The following MYOM3 variants were observed in gnomAD, a reference collection of about 807,000 sequenced individuals.
MYOM3 encodes the protein myomesin-3.
In MYOM3, 155 loss-of-function variants were observed where a neutral mutation model predicts 191.7. The ratio of observed to expected loss-of-function variants is 0.81; its 90% CI spans 0.71 to 0.92. MYOM3 has a LOEUF of 0.92. Ranked by LOEUF, MYOM3 falls within the 40% of genes least tolerant of loss-of-function variation. The pLI, the probability that MYOM3 is intolerant of heterozygous loss-of-function variation, is 0.00. For missense variants in MYOM3, 1,889 were observed against 1,890.6 expected, an observed-to-expected ratio of 1.00 and a Z score of 0.02; for synonymous variants, 757 against 762.9, an observed-to-expected ratio of 0.99 and a Z score of 0.13.
rs777078325 is a variant in MYOM3, at chr1:24,068,389, GT to G, written c.3151-23del. ...GGTTCTGAAAAGGACAAACTCCAGA[GT>G]CCTTTTCCCTGTTCTGGGAACTTTG... On this transcript the variant is annotated intron_variant, in intron 25 of 36. Coordinates refer to ENST00000374434, the MANE Select transcript of MYOM3 (RefSeq NM_152372.4). The G allele has an allele frequency of 2.5e-6, 4 of 1,613,900 alleles. No individual in the cohort carries two copies. In the Admixed American group the frequency reaches 6.7e-5, roughly 27 times the overall value.
chr1:24,107,864 C>T, intron 3 of MYOM3, 129 bp downstream of exon 3: 1 of 776,816 alleles, frequency 1.3e-6, no homozygotes, highest in Non-Finnish European at 2.1e-6. Context: ...CCTGTCTAGA[C>T]CCTTATTCTA....
intron 25 of MYOM3, among the ~76,000 whole-genome samples, chr1:24,068,633 A>C (rs935942673): frequency 6.6e-6 from 1 of 152,084 alleles, no homozygotes; most frequent in Non-Finnish European, 1.5e-5. Flanking sequence ...ATCAGTTACA[A>C]TTTAATAATA....
chr1:24,081,631 T>A, intron 18 of MYOM3, 175 bp from the exon 19 acceptor site: 1 of 719,360 alleles, frequency 1.4e-6, no homozygotes. Flanking sequence ...GGCATGAACA[T>A]GGCTCACTGC....
chr1:24,102,293 C>T (rs1002918314), intron 5 of MYOM3, among the ~76,000 whole-genome samples: 4 of 152,166 alleles, frequency 2.6e-5, no homozygotes, highest in African/African-American at 9.6e-5. Flanking sequence ...AATCTGGGTG[C>T]CCAATCTCTC....
chr1:24,062,079 T>C lies in MYOM3; in HGVS notation c.3801A>G (p.Ile1267Met). Residue 1267 changes from isoleucine (I) to methionine (M), a missense_variant, in exon 33 of 37, where the codon ATA (isoleucine) becomes ATG (methionine). Physicochemically the swap from Ile to Met is conservative, Grantham distance 10 (BLOSUM62 1). Coordinates refer to ENST00000374434, the MANE Select transcript of MYOM3 (RefSeq NM_152372.4). ...TCTCATCCAGGGTGGTGCCCGTCCT[T>C]ATCCGATCACCACTCTCCAGACGTT... ...KDKRLESGDR[I>M]RTGTTLDEIW... The C allele has an allele frequency of 6.2e-7, 1 of 1,614,170 alleles. No individual in the cohort carries two copies. The highest frequency in any genetic ancestry group is 2.2e-5 in the East Asian group (1 of 44,878).
At chr1:24,107,302 T>G in intron 3 of MYOM3, 70 bp from the exon 4 acceptor site, 2 of 1,366,756 alleles carry the variant, frequency 1.5e-6, no homozygotes, top group South Asian at 1.4e-5. Context: ...GCCAGTTCCA[T>G]TCCCTGTGCC....
chr1:24,099,357 A>T (rs1270434424), intron 6 of MYOM3, among the ~76,000 whole-genome samples: 1 of 152,244 alleles, frequency 6.6e-6, no homozygotes, highest in Non-Finnish European at 1.5e-5. Context: ...CCTTCCCAGC[A>T]TGCCTAGTTC....
Position 24,076,243 on chromosome 1 carries a change from C to T in MYOM3, c.2617G>A (p.Val873Met), listed in dbSNP as rs199972567. The stretch of plus-strand genomic sequence containing the variant: ...GAATTCATGGCCTGTACCTGGAACA[C>T]GTAACTCTTTCCTGGCTGCAAGTCG... ...VSDLQPGKSY[V>M]FQVQAMNSAG... Residue 873 changes from valine to methionine, a missense_variant, in exon 21 of 37, where the codon GTG becomes ATG. Val to Met is a conservative substitution (Grantham distance 21). Transcript: ENST00000374434. 1.7e-5 allele frequency: 28 copies of T among 1,614,140 alleles called. No individual in the cohort carries two copies. Among genetic ancestry groups the T allele is most frequent in the African/African-American group, 6.7e-5 (5 of 75,030 alleles).
chr1:24,100,870 G>C (rs6698865), intron 5 of MYOM3, among the ~76,000 whole-genome samples: 41,536 of 148,964 alleles, frequency 0.28, 7,025 homozygotes, highest in Non-Finnish European at 0.36. Context: ...CTGGGCAACA[G>C]AGCGAGACTC....
Position 24,086,719 on chromosome 1 carries a change from C to A in MYOM3, c.1723G>T (p.Val575Leu), listed in dbSNP as rs780940464. 3.7e-6 allele frequency: 6 copies of A among 1,614,108 alleles called. No homozygotes were observed. Among genetic ancestry groups the A allele is most frequent in the Non-Finnish European group, 5.1e-6 (6 of 1,180,038 alleles). ...AGGCCATACTGGTTCATTGCTCGCA[C>A]TCTGAAGACATACGACTTCTTTTTC... ...LEKKKSYVFRVRAMNQYGLSD... is the reference protein window; with the variant it reads ...LEKKKSYVFRLRAMNQYGLSD... The change falls in exon 15 of 37, where the codon GTG (valine) becomes TTG (leucine). Residue 575 changes from valine to leucine, a missense_variant. Coordinates refer to ENST00000374434, the MANE Select transcript of MYOM3 (RefSeq NM_152372.4).
chr1:24,106,137 G>T (rs963687875), intron 4 of MYOM3, 60 bp from the exon 5 acceptor site: 4 of 1,512,264 alleles, frequency 2.6e-6, no homozygotes, highest in Non-Finnish European at 3.5e-6. Flanking sequence ...TGCCATCTTT[G>T]CCATTACCTC....
Position 24,092,314 on chromosome 1 carries a change from A to T in MYOM3, c.1092T>A (p.Asp364Glu). The T allele has an allele frequency of 7.4e-7, 1 of 1,352,854 alleles. No homozygotes were observed. The highest frequency in any genetic ancestry group is 2.8e-5 in the East Asian group (1 of 35,930). The allele number at this position is 1,352,854 out of a possible 1,614,324, so 83.8% of individuals were successfully genotyped here. ...REQSTYVLVR[D>E]AEAENPGAPG... ...GGGCCCCGGGGTTCTCGGCCTCGGC[A>T]TCTGAAACCCGGGGGTGAGAGGGAG... Residue 364 changes from aspartate to glutamate, a missense_variant and splice_region_variant, in exon 11 of 37, where the codon GAT (aspartate) becomes GAA (glutamate). Coordinates refer to ENST00000374434, the MANE Select transcript of MYOM3 (RefSeq NM_152372.4).
At chr1:24,101,759 A>C (rs1249593182) in intron 5 of MYOM3, among the ~76,000 whole-genome samples, 1 of 152,160 alleles carries the variant, frequency 6.6e-6, no homozygotes, top group Non-Finnish European at 1.5e-5. Context: ...CTCAAAAAAA[A>C]AATTTGTTTT....
At chr1:24,108,349 T>C in intron 2 of MYOM3, 127 bp downstream of exon 2, 1 of 1,076,414 alleles carries the variant, frequency 9.3e-7, no homozygotes, top group Non-Finnish European at 1.3e-6. Context: ...GACAGGGGGT[T>C]CAGAAAGCAG....
chr1:24,108,123 G>A (rs766418772), intron 2 of MYOM3, 50 bp from the exon 3 acceptor site: 3 of 1,566,534 alleles, frequency 1.9e-6, no homozygotes, highest in South Asian at 1.1e-5. Context: ...TTGGCTGGGG[G>A]CTCCCTGAGA....
At position 24,081,413 on chromosome 1, in the gene MYOM3, C is replaced by T. The variant is rs12082295; in HGVS notation, c.2324G>A (p.Arg775Gln). ...HEGHFYEFRA[R>Q]AANWAGVGEL... The stretch of plus-strand genomic sequence containing the variant: ...GCCAACACCTGCCCAGTTGGCAGCC[C>T]GGGCACGGAACTCATAGAAGTGGCC... Residue 775 changes from arginine to glutamine, a missense_variant, in exon 19 of 37, where the codon CGG (arginine) becomes CAG (glutamine). Physicochemically the swap from Arg to Gln is conservative, Grantham distance 43 (BLOSUM62 1). Coordinates refer to ENST00000374434, the MANE Select transcript of MYOM3 (RefSeq NM_152372.4). 7.3e-3 allele frequency: 11,859 copies of T among 1,614,058 alleles called. 438 individuals are homozygous for T. In the African/African-American group the frequency reaches 0.079, roughly 11 times the overall value.
At chr1:24,095,021 T>A in intron 8 of MYOM3, 31 bp from the exon 9 acceptor site, 1 of 1,602,566 alleles carries the variant, frequency 6.2e-7, no homozygotes, top group Non-Finnish European at 8.5e-7. Context: ...GGGGCAGAAG[T>A]TTTTGAGGCA....
intron 22 of MYOM3, 56 bp downstream of exon 22, chr1:24,075,263 C>T: frequency 1.3e-6 from 2 of 1,581,798 alleles, no homozygotes; most frequent in Non-Finnish European, 1.7e-6. Context: ...CCTGCCAGCT[C>T]CTCTGACAGT....
intron 24 of MYOM3, among the ~76,000 whole-genome samples, chr1:24,071,745 A>G (rs1265621815): frequency 2.6e-5 from 4 of 152,262 alleles, no homozygotes; most frequent in Non-Finnish European, 2.9e-5. Context: ...TAATTATAAA[A>G]GAGGAAAACA....
Sources: allele counts gnomAD v4.1 joint callset (sites outside exome capture counted in the v4.1 genomes callset), GRCh38; gene constraint gnomAD v4.1.1; transcripts MANE v1.5; gene names NCBI Gene and HGNC (gene_info 2026-07-23, HGNC 2026-07-21).